MBOAT1: variants seen among roughly 807,000 people sequenced by gnomAD.
MBOAT1 encodes membrane bound glycerophospholipid O-acyltransferase 1, also known as membrane-bound glycerophospholipid O-acyltransferase 1.
MBOAT1 carries 67 observed loss-of-function variants against 64.4 expected under a neutral mutation model. That is an observed-to-expected ratio of 1.04 (90% CI 0.85 to 1.27). The LOEUF (loss-of-function observed/expected upper bound fraction) is 1.27. Ranked by LOEUF, MBOAT1 falls within the 50% of genes most tolerant of loss-of-function variation. MBOAT1 has a pLI of 0.00. For synonymous variants in MBOAT1, 229 were observed against 218.9 expected (o/e 1.05, Z -0.41); for missense variants, 563 against 604.6 (o/e 0.93, Z 0.72).
At chr6:20,206,332 C>T (rs1235707218) in intron 1 of MBOAT1, among the ~76,000 whole-genome samples, 3 of 152,172 alleles carry the variant, frequency 2.0e-5, no homozygotes, top group Non-Finnish European at 4.4e-5. Context: ...TGCCACCACA[C>T]CTGGCTAATT....
chr6:20,124,469 G>C lies in MBOAT1; in HGVS notation c.846C>G (p.Leu282=). ...CTTGCATGACAACATATAAGTAGCA[G>C]AGTCGAGCCGGAAAGCTTGCTTTAT... ...FVHKASFPAR[L]CYLYVVMQAS... Residue 282 remains leucine (L), a synonymous_variant, in exon 8 of 13, where the codon CTC becomes CTG. Coordinates refer to ENST00000324607, the MANE Select transcript of MBOAT1 (RefSeq NM_001080480.3). The C allele has an allele frequency of 6.2e-7, 1 of 1,614,182 alleles. No homozygotes were observed. Among genetic ancestry groups the C allele is most frequent in the Non-Finnish European group, 8.5e-7 (1 of 1,180,028 alleles).
At chr6:20,191,926 T>C (rs1581459141) in intron 1 of MBOAT1, among the ~76,000 whole-genome samples, 1 of 152,222 alleles carries the variant, frequency 6.6e-6, no homozygotes, top group Admixed American at 6.5e-5. Flanking sequence ...TCAGGAGTTA[T>C]GCATATTTTC....
intron 2 of MBOAT1, 151 bp from the exon 3 acceptor site, chr6:20,151,413 C>A: frequency 1.8e-6 from 1 of 569,420 alleles, no homozygotes; most frequent in Non-Finnish European, 3.1e-6. Flanking sequence ...AGAAAATAAG[C>A]CAAATATTTT....
At chr6:20,193,533 TTCTC>T (rs1198159666) in intron 1 of MBOAT1, among the ~76,000 whole-genome samples, 1 of 152,082 alleles carries the variant, frequency 6.6e-6, no homozygotes, top group African/African-American at 2.4e-5. Context: ...AGAAAAATAC[TTCTC>T]TTATTAGAAA....
intron 1 of MBOAT1, among the ~76,000 whole-genome samples, chr6:20,164,174 T>C (rs1477542116): frequency 8.1e-5 from 12 of 147,478 alleles, no homozygotes; most frequent in Non-Finnish European, 1.5e-4. Context: ...TATGTGCATG[T>C]ACACACACAC....
chr6:20,151,688 C>T (rs1761497660), intron 2 of MBOAT1, among the ~76,000 whole-genome samples: 1 of 152,100 alleles, frequency 6.6e-6, no homozygotes, highest in African/African-American at 2.4e-5. Context: ...TAGTATAGTA[C>T]CCTGAACAAA....
chr6:20,119,831 G>A (rs1032931788), intron 8 of MBOAT1, among the ~76,000 whole-genome samples: 1 of 152,142 alleles, frequency 6.6e-6, no homozygotes, highest in Non-Finnish European at 1.5e-5. Context: ...ATGACACTAA[G>A]GGCCTTGAGG....
chr6:20,161,450 T>C lies in MBOAT1; in HGVS notation c.100-8681A>G, dbSNP rs149614476. 5.3e-3 allele frequency among the ~76,000 whole-genome samples: 804 copies of C among 152,070 alleles called. 6 individuals are homozygous for C. Among genetic ancestry groups the C allele is most frequent in the African/African-American group, 0.018 (766 of 41,466 alleles). On this transcript the variant is annotated intron_variant, in intron 1 of 12. Transcript: ENST00000324607. ...ATCCCCATCCCCCACCCCCACTCCA[T>C]GGAAAAATTGTCTTCCACAAAACCA... is the stretch of plus-strand genomic sequence containing the variant.
intron 1 of MBOAT1, among the ~76,000 whole-genome samples, chr6:20,163,918 A>G (rs1419870354): frequency 6.6e-6 from 1 of 152,104 alleles, no homozygotes; most frequent in African/African-American, 2.4e-5. Context: ...CCCACTGAAT[A>G]AGGAGGTGGA....
chr6:20,200,460 TG>T (rs1763089358), intron 1 of MBOAT1, among the ~76,000 whole-genome samples: 1 of 152,168 alleles, frequency 6.6e-6, no homozygotes, highest in Non-Finnish European at 1.5e-5. Context: ...TTCCAGGAGA[TG>T]GGGATATCAA....
rs545034733 is a variant in MBOAT1, at chr6:20,116,450, G to T, written c.1012-1098C>A. Among the ~76,000 whole-genome samples, 11 of 152,318 alleles carry T rather than the reference G, an allele frequency of 7.2e-5. No individual in the cohort carries two copies. In the South Asian group the frequency reaches 2.1e-3, roughly 29 times the overall value. On this transcript the variant is annotated intron_variant, in intron 9 of 12. Coordinates refer to ENST00000324607, the MANE Select transcript of MBOAT1 (RefSeq NM_001080480.3). The stretch of plus-strand genomic sequence containing the variant: ...TTTTCTGAAGTGTTTTCAACCGTAA[G>T]AAAATAATATATAGGCCACACATTG...
At chr6:20,204,066 T>G (rs1763192333) in intron 1 of MBOAT1, among the ~76,000 whole-genome samples, 1 of 152,220 alleles carries the variant, frequency 6.6e-6, no homozygotes, top group South Asian at 2.1e-4. Context: ...TTCAATTTGT[T>G]AACATTTTCT....
intron 1 of MBOAT1, among the ~76,000 whole-genome samples, chr6:20,204,223 G>C (rs977274587): frequency 3.3e-5 from 5 of 152,134 alleles, no homozygotes; most frequent in Admixed American, 1.3e-4. Context: ...CCCTAGCACT[G>C]TCTCAGGAGA....
Position 20,158,849 on chromosome 6 carries a change from C to T in MBOAT1, c.100-6080G>A, listed in dbSNP as rs2113706077. Among the ~76,000 whole-genome samples, 2 of 152,216 alleles carry T rather than the reference C, an allele frequency of 1.3e-5. 1 individual carries two copies. The highest frequency in any genetic ancestry group is 4.2e-4 in the South Asian group (2 of 4,816). On this transcript the variant is annotated intron_variant, in intron 1 of 12. Coordinates refer to ENST00000324607, the MANE Select transcript of MBOAT1 (RefSeq NM_001080480.3). ...CATCTCTAATCATCAGAAACATGCA[C>T]ATTAAAACCACAATGAGACAACACC...
chr6:20,185,549 A>C (rs975871868), intron 1 of MBOAT1, among the ~76,000 whole-genome samples: 1 of 152,090 alleles, frequency 6.6e-6, no homozygotes, highest in African/African-American at 2.4e-5. Flanking sequence ...TCTTTCCTGG[A>C]TCTCCAGATT....
At chr6:20,116,098 G>A (rs547370173) in intron 9 of MBOAT1, among the ~76,000 whole-genome samples, 5 of 152,242 alleles carry the variant, frequency 3.3e-5, no homozygotes, top group South Asian at 2.1e-4. Context: ...TTGGGAAGCC[G>A]AGGCAGGCCG....
intron 7 of MBOAT1, 107 bp from the exon 8 acceptor site, chr6:20,124,707 C>T: frequency 3.2e-6 from 3 of 942,550 alleles, no homozygotes; most frequent in Non-Finnish European, 4.8e-6. Flanking sequence ...AGCTGCTTGG[C>T]ATTATTCCCC....
At chr6:20,203,690 A>G (rs976374364) in intron 1 of MBOAT1, among the ~76,000 whole-genome samples, 5 of 152,076 alleles carry the variant, frequency 3.3e-5, no homozygotes, top group African/African-American at 1.2e-4. Flanking sequence ...GTAAGGAGCA[A>G]TTATTTTGGA....
intron 11 of MBOAT1, among the ~76,000 whole-genome samples, chr6:20,111,805 CATATATATACATATATATACAT>C (rs1396593921): frequency 3.4e-5 from 2 of 59,252 alleles, no homozygotes; most frequent in Non-Finnish European, 7.6e-5. Context: ...CCACTTTGTT[CATATATATACATATATATACAT>C]ATATATACAC....
Sources: gnomAD v4.1 joint callset for allele counts (sites outside exome capture counted in the v4.1 genomes callset) on GRCh38, gnomAD v4.1.1 for gene constraint, MANE v1.5 for transcripts, NCBI Gene and HGNC (gene_info 2026-07-23, HGNC 2026-07-21) for gene names.